The following NFIA variants were observed in gnomAD, a reference collection of about 807,000 sequenced individuals.
NFIA encodes nuclear factor I A, also known as nuclear factor 1 A-type.
A neutral mutation model predicts 62.8 loss-of-function variants in NFIA; 8 were observed. The ratio of observed to expected loss-of-function variants is 0.13; its 90% CI spans 0.07 to 0.23. NFIA has a LOEUF of 0.23. Ranked by LOEUF, NFIA falls within the 10% of genes least tolerant of loss-of-function variation. The probability of loss-of-function intolerance (pLI) is 1.00; values close to 1 mark genes in which losing one functional copy is unlikely to be tolerated. For synonymous variants in NFIA, 235 were observed against 238.1 expected (o/e 0.99, Z 0.12); for missense variants, 410 against 642.1 (o/e 0.64, Z 3.91).
At chr1:61,148,797 T>G (rs1242895673) in intron 2 of NFIA, among the ~76,000 whole-genome samples, 1 of 152,204 alleles carries the variant, frequency 6.6e-6, no homozygotes, top group Non-Finnish European at 1.5e-5. Flanking sequence ...TATTGATGAA[T>G]TACCTTTGGT....
At chr1:61,171,367 C>T (rs1649954640) in intron 2 of NFIA, among the ~76,000 whole-genome samples, 1 of 152,102 alleles carries the variant, frequency 6.6e-6, no homozygotes, top group South Asian at 2.1e-4. Context: ...TTTAATGTTC[C>T]TTCTAGACTG....
intron 2 of NFIA, among the ~76,000 whole-genome samples, chr1:61,185,967 C>G (rs1463751916): frequency 6.6e-6 from 1 of 152,160 alleles, no homozygotes; most frequent in East Asian, 1.9e-4. Context: ...AGGATGCAAA[C>G]TACGTTTACT....
chr1:61,366,272 G>A lies in NFIA; in HGVS notation c.946+6998G>A, dbSNP rs192946026. Among the ~76,000 whole-genome samples the A allele has an allele frequency of 8.7e-4, 133 of 152,164 alleles. 3 individuals carry two copies. The East Asian group carries it at 0.022, about 25-fold the overall frequency. ...ATCTGCATTAAGTACAGACATATCA[G>A]TAAGTTTTGGCAGACCTAAAAAGTA... On this transcript the variant is annotated intron_variant, in intron 6 of 10. Coordinates refer to ENST00000403491, the MANE Select transcript of NFIA (RefSeq NM_001134673.4).
intron 3 of NFIA, among the ~76,000 whole-genome samples, chr1:61,280,848 C>A (rs921342211): frequency 3.3e-5 from 5 of 152,174 alleles, no homozygotes; most frequent in Admixed American, 6.5e-5. Context: ...TGGGTAAAAA[C>A]TCTGCCTCTG....
intron 6 of NFIA, among the ~76,000 whole-genome samples, chr1:61,363,346 T>C (rs11207729): frequency 0.013 from 1,965 of 152,270 alleles, 49 homozygotes; most frequent in African/African-American, 0.045. Flanking sequence ...GGCTCACGCC[T>C]GTAATCCCAG....
intron 4 of NFIA, among the ~76,000 whole-genome samples, chr1:61,351,873 G>A (rs564788996): frequency 3.9e-5 from 6 of 152,154 alleles, no homozygotes; most frequent in Non-Finnish European, 8.8e-5. Flanking sequence ...CTATGCTCCC[G>A]TAAAACTTTA....
chr1:61,320,563 T>G (rs1660627996), intron 3 of NFIA, among the ~76,000 whole-genome samples: 1 of 152,172 alleles, frequency 6.6e-6, no homozygotes, highest in South Asian at 2.1e-4. Context: ...GTAAGGATTT[T>G]TAAAAAATAT....
Position 61,088,069 on chromosome 1 carries a change from C to A in NFIA, c.28-80C>A, listed in dbSNP as rs549935857. On this transcript the variant is annotated intron_variant, in intron 1 of 10. Transcript: ENST00000403491. The surrounding 1 kb of genome is among the most constrained non-coding windows in gnomAD (Gnocchi z 4.5). ...TTCAAGTGAAATGAGGAATTTCTTT[C>A]TTAAGGTGACCCGCTGAAGAAAAGT... 2 of 1,392,166 alleles carry A rather than the reference C, an allele frequency of 1.4e-6. No individual in the cohort carries two copies. The highest frequency in any genetic ancestry group is 1.4e-5 in the South Asian group (1 of 70,096). 86.2% of individuals were successfully genotyped at this position (1,392,166 alleles called of 1,614,324 possible).
At chr1:61,238,338 C>T (rs370659805) in intron 2 of NFIA, among the ~76,000 whole-genome samples, 1 of 152,154 alleles carries the variant, frequency 6.6e-6, no homozygotes, top group South Asian at 2.1e-4. Flanking sequence ...TAAATGGTTT[C>T]GAATATGATT....
chr1:61,215,272 G>A (rs995377768), intron 2 of NFIA, among the ~76,000 whole-genome samples: 1 of 152,046 alleles, frequency 6.6e-6, no homozygotes, highest in Non-Finnish European at 1.5e-5. Context: ...TATTTTTGTT[G>A]TATGCAACAC....
At chr1:61,214,132 G>C (rs1296281166) in intron 2 of NFIA, among the ~76,000 whole-genome samples, 1 of 152,140 alleles carries the variant, frequency 6.6e-6, no homozygotes, top group African/African-American at 2.4e-5. Context: ...TTCTGACTAC[G>C]CCTAGGCCTG....
At chr1:61,183,106 T>C (rs1650867192) in intron 2 of NFIA, among the ~76,000 whole-genome samples, 1 of 152,192 alleles carries the variant, frequency 6.6e-6, no homozygotes, top group African/African-American at 2.4e-5. Flanking sequence ...ACAGTGTATA[T>C]TTTGGTTCTT....
chr1:61,462,016 C>CT lies in NFIA; in HGVS notation c.*6701dup, dbSNP rs1218309182. On this transcript the variant is annotated 3_prime_UTR_variant, in exon 11 of 11. Transcript: ENST00000403491. ...TTTTGATAATAGTCTGTAAGTTAGC[C>CT]TTTTTGGGTTTTTTTTTTTTTTTTT... 1 of 97,234 alleles carries CT rather than the reference C, an allele frequency of 1.0e-5. No homozygotes were observed. Among genetic ancestry groups the CT allele is most frequent in the Non-Finnish European group, 2.1e-5 (1 of 48,688 alleles). 6.0% of individuals were successfully genotyped at this position (97,234 alleles called of 1,614,324 possible). A position where few individuals can be genotyped will look rare whatever the true frequency, so the allele number is the denominator to read the frequency against.
At chr1:61,326,691 G>T (rs1418268141) in intron 3 of NFIA, among the ~76,000 whole-genome samples, 2 of 152,336 alleles carry the variant, frequency 1.3e-5, no homozygotes, top group East Asian at 3.9e-4. Context: ...TAACTGGTCA[G>T]TATTCAGAAG....
chr1:61,229,567 G>T (rs1303109842), intron 2 of NFIA, among the ~76,000 whole-genome samples: 1 of 152,126 alleles, frequency 6.6e-6, no homozygotes, highest in African/African-American at 2.4e-5. Context: ...ATCAATATTG[G>T]TTCATTTATT....
In NFIA at chr1:61,337,279, G is replaced by A. The variant is rs117841792; in HGVS notation, c.700+4693G>A. Among the ~76,000 whole-genome samples, 101 of 151,892 alleles carry A rather than the reference G, an allele frequency of 6.6e-4. 2 individuals carry two copies. The East Asian group carries it at 0.017, about 26-fold the overall frequency. ...TGGCCAACTGAAGCTGCAATCTTCC[G>A]TGAACTCCCCTTTCCTCCTTGCCTC... On this transcript the variant is annotated intron_variant, in intron 4 of 10. Transcript: ENST00000403491.
At position 61,456,695 on chromosome 1, in the gene NFIA, T is replaced by C. The variant is rs1668316107; in HGVS notation, c.*1375T>C. On this transcript the variant is annotated 3_prime_UTR_variant, in exon 11 of 11. Coordinates refer to ENST00000403491, the MANE Select transcript of NFIA (RefSeq NM_001134673.4). ...GTAATAATAATAATAATAATAATGA[T>C]GAAACCAATACTGACACAAATGCTG... The C allele has an allele frequency of 7.1e-6, 1 of 140,434 alleles. No individual in the cohort carries two copies. The highest frequency in any genetic ancestry group is 1.5e-5 in the Non-Finnish European group (1 of 65,614). 8.7% of individuals were successfully genotyped at this position (140,434 alleles called of 1,614,324 possible).
At chr1:61,375,744 A>T (rs904500151) in intron 6 of NFIA, among the ~76,000 whole-genome samples, 2 of 152,044 alleles carry the variant, frequency 1.3e-5, no homozygotes, top group Non-Finnish European at 2.9e-5. Flanking sequence ...ATCAGTAGAC[A>T]AGCATGCTGG....
At chr1:61,310,869 G>A (rs1053143680) in intron 3 of NFIA, among the ~76,000 whole-genome samples, 4 of 150,710 alleles carry the variant, frequency 2.7e-5, no homozygotes, top group Admixed American at 1.3e-4. Flanking sequence ...TGTTGCCCCT[G>A]GCACACATGT....
Sources: allele counts gnomAD v4.1 joint callset (sites outside exome capture counted in the v4.1 genomes callset), GRCh38; gene constraint gnomAD v4.1.1; non-coding constraint Gnocchi (gnomAD v3.1); transcripts MANE v1.5; gene names NCBI Gene and HGNC (gene_info 2026-07-23, HGNC 2026-07-21).